The following SLC8A1 variants were observed in gnomAD, a reference collection of about 807,000 sequenced individuals.
The protein encoded by SLC8A1 is sodium/calcium exchanger 1.
In SLC8A1, 18 loss-of-function variants were observed where a neutral mutation model predicts 68.3. The observed-to-expected ratio is 0.26, with a 90% CI of 0.18 to 0.39. The LOEUF is 0.39. Among genes scored for constraint, SLC8A1 ranks in the 10% least tolerant of loss-of-function variants. SLC8A1 has a pLI of 1.00. For missense variants in SLC8A1, 985 were observed against 1,156.7 expected, an observed-to-expected ratio of 0.85 and a Z score of 2.15; for synonymous variants, 475 against 415.5, an observed-to-expected ratio of 1.14 and a Z score of -1.74.
chr2:40,435,173 C>T (rs1239044491), intron 1 of SLC8A1, among the ~76,000 whole-genome samples: 1 of 152,126 alleles, frequency 6.6e-6, no homozygotes, highest in African/African-American at 2.4e-5. Context: ...ACTTGGAATT[C>T]CCTTCTATGT....
chr2:40,465,088 C>T (rs1703585086), intron 1 of SLC8A1, among the ~76,000 whole-genome samples: 1 of 152,104 alleles, frequency 6.6e-6, no homozygotes, highest in African/African-American at 2.4e-5. Context: ...AAGAAGTTGT[C>T]AACTAGGGTT....
chr2:40,493,026 C>T (rs1705424494), intron 1 of SLC8A1, among the ~76,000 whole-genome samples: 1 of 152,082 alleles, frequency 6.6e-6, no homozygotes, highest in Non-Finnish European at 1.5e-5. Flanking sequence ...AATCATGCTG[C>T]TATAAAGACA....
At chr2:40,253,040 A>AGATATGTATATACATAT (rs1553453312) in intron 2 of SLC8A1, among the ~76,000 whole-genome samples, 33,357 of 85,750 alleles carry the variant, frequency 0.39, 5,382 homozygotes, top group Non-Finnish European at 0.51. Flanking sequence ...CATATGTATC[A>AGATATGTATATACATAT]GTATATGTAT....
intron 2 of SLC8A1, among the ~76,000 whole-genome samples, chr2:40,300,639 T>C (rs942292592): frequency 2.6e-5 from 4 of 152,084 alleles, no homozygotes; most frequent in African/African-American, 9.7e-5. Context: ...GAGGCTTCAA[T>C]TTCACCACAG....
chr2:40,467,744 G>C (rs1034768344), intron 1 of SLC8A1, among the ~76,000 whole-genome samples: 1 of 152,016 alleles, frequency 6.6e-6, no homozygotes, highest in African/African-American at 2.4e-5. Context: ...AACAATGGTG[G>C]TTTTCTGTAA....
At chr2:40,205,197 A>T (rs76167125) in intron 2 of SLC8A1, among the ~76,000 whole-genome samples, 2 of 152,140 alleles carry the variant, frequency 1.3e-5, no homozygotes, top group East Asian at 3.9e-4. Context: ...CCTTTCCATA[A>T]GGTATACCTA....
chr2:40,427,523 C>G (rs1382718387), intron 2 of SLC8A1, among the ~76,000 whole-genome samples: 1 of 151,962 alleles, frequency 6.6e-6, no homozygotes, highest in Non-Finnish European at 1.5e-5. Flanking sequence ...TCCTTTCCCC[C>G]CAGAAATTGT....
At chr2:40,271,994 G>A (rs1006786164) in intron 2 of SLC8A1, among the ~76,000 whole-genome samples, 7 of 152,006 alleles carry the variant, frequency 4.6e-5, no homozygotes, top group African/African-American at 1.7e-4. Context: ...AGCCTGCTGA[G>A]TAGCTGGGAC....
At chr2:40,130,661 G>T (rs894092166) in intron 7 of SLC8A1, among the ~76,000 whole-genome samples, 1 of 152,232 alleles carries the variant, frequency 6.6e-6, no homozygotes, top group African/African-American at 2.4e-5. Flanking sequence ...GTAGCCTCTT[G>T]GGGAAACTGA....
chr2:40,120,198 T>A (rs1351314598), intron 7 of SLC8A1, among the ~76,000 whole-genome samples: 1 of 152,234 alleles, frequency 6.6e-6, no homozygotes, highest in Non-Finnish European at 1.5e-5. Flanking sequence ...CATCTTATTC[T>A]TGGCTCTTAG....
chr2:40,324,884 G>C (rs984880651), intron 2 of SLC8A1, among the ~76,000 whole-genome samples: 4 of 152,160 alleles, frequency 2.6e-5, no homozygotes, highest in African/African-American at 4.8e-5. Context: ...TGGTGCAGCT[G>C]TTTCCAGATG....
intron 1 of SLC8A1, among the ~76,000 whole-genome samples, chr2:40,499,867 C>A (rs755543201): frequency 6.6e-6 from 1 of 152,066 alleles, no homozygotes; most frequent in African/African-American, 2.4e-5. Flanking sequence ...AGGATAAGGG[C>A]AGTGAAGCAA....
intron 4 of SLC8A1, among the ~76,000 whole-genome samples, chr2:40,172,502 T>G (rs575006597): frequency 6.6e-6 from 1 of 152,126 alleles, no homozygotes; most frequent in Non-Finnish European, 1.5e-5. Context: ...GGATGCCAGT[T>G]GTGGCCGAGG....
chr2:40,132,825 T>C (rs1295173874), intron 7 of SLC8A1, among the ~76,000 whole-genome samples: 1 of 152,168 alleles, frequency 6.6e-6, no homozygotes, highest in Non-Finnish European at 1.5e-5. Context: ...CTAAGTAAGA[T>C]AATAGATAAA....
At chr2:40,252,882 T>TA (rs2063046132) in intron 2 of SLC8A1, among the ~76,000 whole-genome samples, 1 of 130,628 alleles carries the variant, frequency 7.7e-6, no homozygotes, top group Non-Finnish European at 1.6e-5. Context: ...TAATATATAT[T>TA]TTGAGCCAAA....
At chr2:40,397,304 T>G (rs1345540103) in intron 2 of SLC8A1, among the ~76,000 whole-genome samples, 1 of 152,156 alleles carries the variant, frequency 6.6e-6, no homozygotes, top group Non-Finnish European at 1.5e-5. Context: ...GACTTTCAGG[T>G]CAGTTTTCTA....
intron 2 of SLC8A1, among the ~76,000 whole-genome samples, chr2:40,362,346 A>G (rs556277074): frequency 3.9e-5 from 6 of 152,162 alleles, no homozygotes; most frequent in Non-Finnish European, 7.4e-5. Context: ...AGCATAAATA[A>G]TGACAGCCCA....
At chr2:40,253,309 CATATATACACACACATATATGTGTAT>C (rs1261861731) in intron 2 of SLC8A1, among the ~76,000 whole-genome samples, 31 of 150,432 alleles carry the variant, frequency 2.1e-4, no homozygotes, top group South Asian at 6.3e-4. Context: ...CATATATACA[CATATATACACACACATATATGTGTAT>C]ATATATACAC....
intron 2 of SLC8A1, among the ~76,000 whole-genome samples, chr2:40,336,853 G>C (rs1210689249): frequency 6.6e-6 from 1 of 152,088 alleles, no homozygotes; most frequent in Non-Finnish European, 1.5e-5. Flanking sequence ...GCCACTTTCT[G>C]TTTAACTCTG....
Sources: allele counts gnomAD v4.1 joint callset (sites outside exome capture counted in the v4.1 genomes callset), GRCh38; gene constraint gnomAD v4.1.1; transcripts MANE v1.5; gene names NCBI Gene and HGNC (gene_info 2026-07-23, HGNC 2026-07-21).